Variants in STARD13 observed in about 807,000 individuals in gnomAD.
STARD13 encodes StAR related lipid transfer domain containing 13.
A neutral mutation model predicts 106.4 loss-of-function variants in STARD13; 62 were observed. The ratio of observed to expected loss-of-function variants is 0.58; its 90% CI spans 0.48 to 0.72. The LOEUF is 0.72. Among genes scored for constraint, STARD13 ranks in the 30% least tolerant of loss-of-function variants. STARD13 has a pLI of 0.00. For missense variants in STARD13, 1,387 were observed against 1,424.0 expected, an observed-to-expected ratio of 0.97 and a Z score of 0.42; for synonymous variants, 565 against 553.0, an observed-to-expected ratio of 1.02 and a Z score of -0.31.
chr13:33,489,488 T>C, the STARD13 span, among the ~76,000 whole-genome samples: 1 of 152,246 alleles, frequency 6.6e-6, no homozygotes, highest in Admixed American at 6.5e-5. Flanking sequence ...CTCTGACCAA[T>C]GTCTAATACA....
rs1382527301 is a variant in STARD13 at position 33,103,163 on chromosome 13, T to C, written c.*2430A>G. On this transcript the variant is annotated 3_prime_UTR_variant, in exon 14 of 14. Coordinates refer to ENST00000336934, the MANE Select transcript of STARD13 (RefSeq NM_178006.4). ...TTTATAGAAAATAGGAAATATTTAA[T>C]ATATATAAATTTATTTGCCTTGGCA... 5 of 152,500 alleles carry C rather than the reference T, an allele frequency of 3.3e-5. No homozygotes were observed. The highest frequency in any genetic ancestry group is 5.9e-5 in the Non-Finnish European group (4 of 68,038). The allele number at this position is 152,500 out of a possible 1,614,324, so 9.4% of individuals were successfully genotyped here.
intron 1 of STARD13, chr13:33,185,810 A>C: frequency 2.0e-6 from 3 of 1,534,270 alleles, no homozygotes; most frequent in East Asian, 2.3e-5. Flanking sequence ...GAGGCCATGC[A>C]AGGCTAAGTA....
intron 4 of STARD13, chr13:33,138,680 C>T (rs1879395774): frequency 9.7e-6 from 3 of 309,378 alleles, no homozygotes; most frequent in South Asian, 2.7e-5. Flanking sequence ...CTGGGAATGC[C>T]GCGGGAGTGG....
intron 3 of STARD13, 54 bp downstream of exon 3, chr13:33,165,283 T>C: frequency 7.6e-7 from 1 of 1,321,936 alleles, no homozygotes; most frequent in Non-Finnish European, 1.1e-6. Flanking sequence ...AGTATAGTGA[T>C]GCCTGTTGCA....
Position 33,104,212 on chromosome 13 carries a change from T to C in STARD13, c.*1381A>G, listed in dbSNP as rs1873418773. ...ACACACAATAAGTTATCTTTCTCTC[T>C]ATAGCTGTTGAATTACAATAAAAAG... On this transcript the variant is annotated 3_prime_UTR_variant, in exon 14 of 14. Transcript: ENST00000336934. 6.6e-6 allele frequency: 1 copy of C among 152,234 alleles called. No homozygotes were observed. Among genetic ancestry groups the C allele is most frequent in the African/African-American group, 2.4e-5 (1 of 41,464 alleles). The allele number at this position is 152,234 out of a possible 1,614,324, so 9.4% of individuals were successfully genotyped here.
At chr13:33,324,300 T>C (rs1893662992) in intron 1 of STARD13, among the ~76,000 whole-genome samples, 1 of 152,210 alleles carries the variant, frequency 6.6e-6, no homozygotes, top group South Asian at 2.1e-4. Flanking sequence ...TCAAAATCCA[T>C]CTGTCTGAAT....
At chr13:33,117,768 T>C in intron 8 of STARD13, 1 of 951,568 alleles carries the variant, frequency 1.1e-6, no homozygotes, top group Non-Finnish European at 1.3e-6. Flanking sequence ...ATTGTGTCCC[T>C]TTTTCATTTT....
chr13:33,273,612 G>A (rs1381937862), intron 1 of STARD13, among the ~76,000 whole-genome samples: 5 of 152,128 alleles, frequency 3.3e-5, no homozygotes, highest in Admixed American at 3.3e-4. Flanking sequence ...TCATAGCTGA[G>A]GGATTCAACA....
the STARD13 span, among the ~76,000 whole-genome samples, chr13:33,371,611 C>T: frequency 6.6e-6 from 1 of 152,206 alleles, no homozygotes; most frequent in Non-Finnish European, 1.5e-5. Flanking sequence ...GAGTTCCCTC[C>T]TGCTCCCTGA....
At chr13:33,221,323 G>C (rs1454450318) in intron 1 of STARD13, among the ~76,000 whole-genome samples, 3 of 152,150 alleles carry the variant, frequency 2.0e-5, no homozygotes, top group African/African-American at 7.2e-5. Flanking sequence ...CCTCATGTAA[G>C]TGTTTGTCCA....
chr13:33,339,652 C>T (rs535260915), intron 1 of STARD13, among the ~76,000 whole-genome samples: 1 of 152,332 alleles, frequency 6.6e-6, no homozygotes, highest in East Asian at 1.9e-4. Flanking sequence ...CACAAAGCCT[C>T]TCTTCTTTCT....
intron 1 of STARD13, among the ~76,000 whole-genome samples, chr13:33,243,612 C>T (rs907300422): frequency 4.2e-4 from 64 of 152,220 alleles, no homozygotes; most frequent in South Asian, 2.1e-4. Context: ...ACAGAGAATC[C>T]GTGTGGCTGA....
chr13:33,665,497 C>A, the STARD13 span, among the ~76,000 whole-genome samples: 1 of 152,148 alleles, frequency 6.6e-6, no homozygotes, highest in African/African-American at 2.4e-5. Context: ...AGTTATCTCT[C>A]GATGAGCAGT....
chr13:33,229,539 C>T (rs919933988), intron 1 of STARD13, among the ~76,000 whole-genome samples: 2 of 152,182 alleles, frequency 1.3e-5, no homozygotes, highest in African/African-American at 4.8e-5. Context: ...TGAACAAACA[C>T]AAACAAAGAC....
At chr13:33,403,809 C>A in the STARD13 span, among the ~76,000 whole-genome samples, 1 of 152,110 alleles carries the variant, frequency 6.6e-6, no homozygotes, top group Non-Finnish European at 1.5e-5. Flanking sequence ...AACTCATGAA[C>A]ATAGAAAATA....
intron 1 of STARD13, among the ~76,000 whole-genome samples, chr13:33,179,816 C>T (rs1465378403): frequency 1.3e-5 from 2 of 152,188 alleles, no homozygotes; most frequent in Non-Finnish European, 2.9e-5. Flanking sequence ...CCAGGAAAAG[C>T]CTTGCAGTTG....
At chr13:33,368,251 G>GAA in the STARD13 span, among the ~76,000 whole-genome samples, 2 of 152,150 alleles carry the variant, frequency 1.3e-5, no homozygotes, top group Non-Finnish European at 2.9e-5. Context: ...CTGTAACATA[G>GAA]AAAAGCTCTT....
the STARD13 span, among the ~76,000 whole-genome samples, chr13:33,380,833 G>T: frequency 6.6e-6 from 1 of 152,180 alleles, no homozygotes; most frequent in African/African-American, 2.4e-5. Context: ...GGGAAGGGGG[G>T]TGTGTTCAAG....
chr13:33,118,191 C>T lies in STARD13; in HGVS notation c.2155G>A (p.Glu719Lys), dbSNP rs1414228154. The T allele has an allele frequency of 6.2e-7, 1 of 1,614,078 alleles. No individual in the cohort carries two copies. The highest frequency in any genetic ancestry group is 8.5e-7 in the Non-Finnish European group (1 of 1,180,040). Residue 719 changes from glutamate (E) to lysine (K), a missense_variant, in exon 8 of 14, where the codon GAG becomes AAG. Coordinates refer to ENST00000336934, the MANE Select transcript of STARD13 (RefSeq NM_178006.4). ...GACTGGTCTTCATAGTTGACGTTCT[C>T]AGGGAAGTTTTCATTCATTTGGCGA... ...ALRQMNENFPENVNYEDQSAY... is the reference protein window; with the variant it reads ...ALRQMNENFPKNVNYEDQSAY...
Sources: allele counts gnomAD v4.1 joint callset (sites outside exome capture counted in the v4.1 genomes callset), GRCh38; gene constraint gnomAD v4.1.1; transcripts MANE v1.5; gene names NCBI Gene and HGNC (gene_info 2026-07-23, HGNC 2026-07-21).